EGF: variants seen among roughly 807,000 people sequenced by gnomAD.
The protein encoded by EGF is pro-epidermal growth factor.
A neutral mutation model predicts 143.8 loss-of-function variants in EGF; 95 were observed. The ratio of observed to expected loss-of-function variants is 0.66; its 90% confidence interval spans 0.56 to 0.78. The LOEUF (loss-of-function observed/expected upper bound fraction) is 0.78, where lower values mean the gene tolerates loss of function less well. Among genes scored for constraint, EGF ranks in the 30% least tolerant of loss-of-function variants. EGF has a pLI of 0.00. For missense variants in EGF, 1,320 were observed against 1,470.9 expected (o/e 0.90, Z 1.68); for synonymous variants, 510 against 510.5 (o/e 1.00, Z 0.01).
chr4:109,963,335 A>G (rs777776376), intron 9 of EGF, 37 bp downstream of exon 9: 24 of 1,613,498 alleles, frequency 1.5e-5, no homozygotes, highest in African/African-American at 2.7e-5. Flanking sequence ...TGTCCCTGAA[A>G]AAAAATTCAT....
intron 1 of EGF, among the ~76,000 whole-genome samples, chr4:109,926,844 A>G (rs913407727): frequency 6.6e-6 from 1 of 152,194 alleles, no homozygotes; most frequent in Non-Finnish European, 1.5e-5. Context: ...TAATTATAAG[A>G]AATTTGTGTA....
At chr4:109,941,738 G>A (rs193258402) in intron 2 of EGF, among the ~76,000 whole-genome samples, 5 of 152,242 alleles carry the variant, frequency 3.3e-5, no homozygotes, top group African/African-American at 9.6e-5. Flanking sequence ...CACCTGACAC[G>A]TAGAAAGAAA....
intron 7 of EGF, 53 bp from the exon 8 acceptor site, chr4:109,961,810 A>G (rs560720832): frequency 1.2e-6 from 2 of 1,608,980 alleles, no homozygotes; most frequent in South Asian, 2.2e-5. Flanking sequence ...ATTGCAATAA[A>G]TTTTTGCAAA....
chr4:109,946,667 T>C (rs1438146927), intron 5 of EGF, among the ~76,000 whole-genome samples: 1 of 152,174 alleles, frequency 6.6e-6, no homozygotes, highest in Non-Finnish European at 1.5e-5. Flanking sequence ...GTAGAAACCA[T>C]GTCTATTTTG....
intron 17 of EGF, 129 bp downstream of exon 17, chr4:109,987,989 A>G: frequency 1.3e-6 from 1 of 749,100 alleles, no homozygotes; most frequent in East Asian, 2.6e-5. Flanking sequence ...ATTTGATGTT[A>G]GCTAAAAAAA....
At chr4:109,924,032 T>C (rs1027812335) in intron 1 of EGF, among the ~76,000 whole-genome samples, 1 of 151,714 alleles carries the variant, frequency 6.6e-6, no homozygotes, top group African/African-American at 2.4e-5. Flanking sequence ...TACTACAAGT[T>C]TAAGCCTCCT....
chr4:109,948,697 G>T (rs942380475), intron 5 of EGF, among the ~76,000 whole-genome samples: 1 of 152,032 alleles, frequency 6.6e-6, no homozygotes. Context: ...TATTACCCAG[G>T]CTGGTCTCAA....
chr4:109,964,642 C>T, intron 10 of EGF, 105 bp downstream of exon 10: 1 of 1,495,862 alleles, frequency 6.7e-7, no homozygotes, highest in Non-Finnish European at 9.2e-7. Context: ...CTGCTAAGTT[C>T]TGAATGATTA....
rs1007220498 is a variant in EGF, at chr4:110,012,389, G to T, written c.*934G>T. The T allele has an allele frequency of 6.7e-6, 1 of 149,772 alleles. No homozygotes were observed. The highest frequency in any genetic ancestry group is 6.6e-5 in the Admixed American group (1 of 15,076). 9.3% of individuals were successfully genotyped at this position (149,772 alleles called of 1,614,324 possible). A position where few individuals can be genotyped will look rare whatever the true frequency, so the allele number is the denominator to read the frequency against. ...TTCGTTTTTTTTTTTTTTCCGGAGA[G>T]AGGATAGGATCTCACTCTGTTATCC... On this transcript the variant is annotated 3_prime_UTR_variant, in exon 24 of 24. Transcript: ENST00000265171.
intron 18 of EGF, among the ~76,000 whole-genome samples, chr4:109,990,548 A>G (rs920370578): frequency 3.3e-5 from 5 of 152,192 alleles, no homozygotes; most frequent in Non-Finnish European, 5.9e-5. Flanking sequence ...TTTAGGTTAT[A>G]TGAGGGGAAG....
intron 10 of EGF, 52 bp from the exon 11 acceptor site, chr4:109,968,919 T>C: frequency 6.2e-7 from 1 of 1,612,032 alleles, no homozygotes; most frequent in South Asian, 1.1e-5. Flanking sequence ...TTTGTATATA[T>C]TCCACATTAG....
At position 109,949,075 on chromosome 4, in the gene EGF, C is replaced by CT. The variant is rs1295112546; in HGVS notation, c.940+3809dup. 5.1e-3 allele frequency among the ~76,000 whole-genome samples: 776 copies of CT among 151,450 alleles called. 7 individuals are homozygous for CT. Among genetic ancestry groups the CT allele is most frequent in the African/African-American group, 0.018 (743 of 41,314 alleles). On this transcript the variant is annotated intron_variant, in intron 5 of 23. Transcript: ENST00000265171. The stretch of plus-strand genomic sequence containing the variant: ...AAGCATGCTCTACAAAACTCTAGTT[C>CT]TTTTTTTTTGAGATGGAGTCTCGCT...
chr4:109,988,730 G>A (rs766062366), intron 18 of EGF, 21 bp downstream of exon 18: 2 of 1,613,460 alleles, frequency 1.2e-6, no homozygotes, highest in South Asian at 1.1e-5. Flanking sequence ...ACATGTGCTG[G>A]GGAGGAGGGC....
chr4:109,980,462 G>A (rs1749176200), intron 14 of EGF, among the ~76,000 whole-genome samples: 1 of 152,164 alleles, frequency 6.6e-6, no homozygotes, highest in South Asian at 2.1e-4. Context: ...CCATACCCCT[G>A]AGGAGTGAGC....
At chr4:109,944,197 A>G (rs1051730909) in intron 4 of EGF, 128 bp downstream of exon 4, 25 of 1,102,162 alleles carry the variant, frequency 2.3e-5, no homozygotes, top group Non-Finnish European at 3.3e-5. Flanking sequence ...AAAAGACTTG[A>G]GTTTGGCCGG....
At chr4:109,995,011 A>C in intron 20 of EGF, 131 bp downstream of exon 20, 1 of 1,112,094 alleles carries the variant, frequency 9.0e-7, no homozygotes, top group Non-Finnish European at 1.3e-6. Flanking sequence ...ATAAACATAC[A>C]CATATGAACC....
chr4:109,968,972 T>A lies in EGF; in HGVS notation c.1577T>A (p.Ile526Lys). 1.2e-6 allele frequency: 2 copies of A among 1,614,120 alleles called. No individual in the cohort carries two copies. Among genetic ancestry groups the A allele is most frequent in the Non-Finnish European group, 1.7e-6 (2 of 1,180,002 alleles). ...ALDHDPVENKIYFAHTALKWI... is the reference protein window; with the variant it reads ...ALDHDPVENKKYFAHTALKWI... ...AAATGCCTGTGTTCTCTTTTGTAGA[T>A]ATACTTTGCCCATACAGCCCTGAAG... The change falls in exon 11 of 24, where the codon ATA (isoleucine) becomes AAA (lysine). Residue 526 changes from isoleucine to lysine, a missense_variant and splice_region_variant. Transcript: ENST00000265171.
intron 21 of EGF, among the ~76,000 whole-genome samples, chr4:110,003,113 T>C (rs551280601): frequency 2.6e-5 from 4 of 152,234 alleles, no homozygotes; most frequent in Non-Finnish European, 5.9e-5. Flanking sequence ...CGAACAGTGC[T>C]GCTGTGATCA....
chr4:109,974,794 C>A lies in EGF; in HGVS notation c.1816C>A (p.His606Asn). Residue 606 changes from histidine to asparagine, a missense_variant, in exon 12 of 24, where the codon CAT becomes AAT. His to Asn is a moderately conservative substitution (Grantham distance 68). Transcript: ENST00000265171. ...CTCTCAACCACGAGGAATTGCTGTT[C>A]ATCCAATGGCCAAGTAGGTATTTGT... ...NISQPRGIAV[H>N]PMAKRLFWTD... 1 of 1,612,854 alleles carries A rather than the reference C, an allele frequency of 6.2e-7. No individual in the cohort carries two copies. Among genetic ancestry groups the A allele is most frequent in the South Asian group, 1.1e-5 (1 of 91,032 alleles).
Sources: gnomAD v4.1 joint callset for allele counts (sites outside exome capture counted in the v4.1 genomes callset) on GRCh38, gnomAD v4.1.1 for gene constraint, MANE v1.5 for transcripts, NCBI Gene and HGNC (gene_info 2026-07-23, HGNC 2026-07-21) for gene names.